PHF21B: variants seen among roughly 807,000 people sequenced by gnomAD.
PHF21B encodes PHD finger protein 21B.
A neutral mutation model predicts 62.2 loss-of-function variants in PHF21B; 22 were observed. The observed-to-expected ratio is 0.35, with a 90% CI of 0.25 to 0.51. The LOEUF (loss-of-function observed/expected upper bound fraction) is 0.51. Among genes scored for constraint, PHF21B ranks in the 20% least tolerant of loss-of-function variants. The pLI is 0.97. For synonymous variants in PHF21B, 341 were observed against 314.7 expected (o/e 1.08, Z -0.88); for missense variants, 701 against 707.9 (o/e 0.99, Z 0.11).
At chr22:44,893,272 A>G (rs1043008745) in intron 7 of PHF21B, among the ~76,000 whole-genome samples, 185 bp downstream of exon 7, 3 of 152,124 alleles carry the variant, frequency 2.0e-5, no homozygotes, top group African/African-American at 7.2e-5. Context: ...CTTCCTATCA[A>G]TTGACTGTCA....
intron 2 of PHF21B, chr22:45,003,558 C>T (rs73429731): frequency 6.6e-6 from 1 of 152,328 alleles, no homozygotes; most frequent in East Asian, 1.9e-4. Flanking sequence ...GCAGGGCCAT[C>T]CCTGTGGCTC....
At chr22:44,907,325 G>A (rs1486339608) in intron 5 of PHF21B, among the ~76,000 whole-genome samples, 2 of 152,252 alleles carry the variant, frequency 1.3e-5, no homozygotes, top group African/African-American at 2.4e-5. Flanking sequence ...GGCCCGGCTG[G>A]CTCAAGCTGA....
chr22:45,004,061 T>C (rs2073269158), intron 2 of PHF21B, among the ~76,000 whole-genome samples: 1 of 151,616 alleles, frequency 6.6e-6, no homozygotes, highest in Admixed American at 6.6e-5. Flanking sequence ...AGTAGATTAG[T>C]GGTTGCTTAA....
intron 2 of PHF21B, among the ~76,000 whole-genome samples, chr22:44,969,927 C>T (rs553030708): frequency 1.3e-5 from 2 of 152,354 alleles, no homozygotes; most frequent in South Asian, 2.1e-4. Flanking sequence ...AACACTGTCT[C>T]GTTTTTCCAT....
At chr22:44,918,911 A>C (rs1379357880) in intron 3 of PHF21B, among the ~76,000 whole-genome samples, 1 of 152,128 alleles carries the variant, frequency 6.6e-6, no homozygotes, top group African/African-American at 2.4e-5. Context: ...CACCGACAGG[A>C]GAAGTCCAAC....
chr22:44,992,008 G>A (rs903703908), intron 2 of PHF21B, among the ~76,000 whole-genome samples: 3 of 152,228 alleles, frequency 2.0e-5, no homozygotes, highest in Admixed American at 6.5e-5. Context: ...CGGACGTTGG[G>A]GGAGCGCACT....
At chr22:44,936,709 C>A (rs949148183) in intron 2 of PHF21B, among the ~76,000 whole-genome samples, 1 of 151,970 alleles carries the variant, frequency 6.6e-6, no homozygotes, top group Admixed American at 6.6e-5. Flanking sequence ...TGATTTTCAC[C>A]CCCCCAGGTT....
At chr22:44,917,497 G>A (rs1288966928) in intron 3 of PHF21B, among the ~76,000 whole-genome samples, 1 of 152,098 alleles carries the variant, frequency 6.6e-6, no homozygotes, top group Non-Finnish European at 1.5e-5. Context: ...ACCAACCCTG[G>A]GAGGTCCACG....
At chr22:44,909,447 A>G (rs904928691) in intron 5 of PHF21B, among the ~76,000 whole-genome samples, 1 of 152,192 alleles carries the variant, frequency 6.6e-6, no homozygotes, top group African/African-American at 2.4e-5. Context: ...TCTTGAGACG[A>G]TTAGGCCCAG....
intron 2 of PHF21B, among the ~76,000 whole-genome samples, chr22:44,997,408 G>T (rs951410398): frequency 7.9e-5 from 12 of 152,152 alleles, no homozygotes; most frequent in African/African-American, 2.9e-4. Flanking sequence ...GGACCTTCTT[G>T]CAATGGCTGC....
At position 44,982,612 on chromosome 22, in the gene PHF21B, C is replaced by T. The variant is rs147058042; in HGVS notation, c.120+25933G>A. Among the ~76,000 whole-genome samples, 247 of 152,318 alleles carry T rather than the reference C, an allele frequency of 1.6e-3. 1 individual carries two copies. The highest frequency in any genetic ancestry group is 5.7e-3 in the African/African-American group (235 of 41,566). On this transcript the variant is annotated intron_variant, in intron 2 of 12. Transcript: ENST00000313237. The stretch of plus-strand genomic sequence containing the variant: ...CCACTGCTTCTGCCCAAGCAAGAGA[C>T]GCACATAACCAAGAAGCCAGAAGCT...
chr22:44,970,918 T>G (rs1180929714), intron 2 of PHF21B: 1 of 152,198 alleles, frequency 6.6e-6, no homozygotes, highest in Non-Finnish European at 1.5e-5. Context: ...TATTTCTTCA[T>G]CTGTAAAATG....
intron 2 of PHF21B, among the ~76,000 whole-genome samples, chr22:44,976,241 T>C (rs905094614): frequency 3.3e-5 from 5 of 152,238 alleles, no homozygotes; most frequent in African/African-American, 1.2e-4. Flanking sequence ...TTTTGATGCA[T>C]GTACATATTG....
chr22:44,929,089 G>C (rs2071690469), intron 2 of PHF21B, among the ~76,000 whole-genome samples: 1 of 152,370 alleles, frequency 6.6e-6, no homozygotes, highest in African/African-American at 2.4e-5. Flanking sequence ...ATTGCTTCTC[G>C]AGTTGCAATT....
intron 2 of PHF21B, among the ~76,000 whole-genome samples, chr22:44,987,591 A>G (rs1051305864): frequency 3.3e-5 from 5 of 152,150 alleles, no homozygotes; most frequent in Admixed American, 2.0e-4. Context: ...ACAGGGTTAG[A>G]GCTCAGAGGA....
intron 2 of PHF21B, among the ~76,000 whole-genome samples, chr22:44,963,655 G>A (rs528925709): frequency 1.1e-4 from 16 of 152,320 alleles, no homozygotes; most frequent in South Asian, 4.1e-4. Flanking sequence ...CAGAGAACCC[G>A]AGGCCTTCCC....
chr22:44,965,650 G>T (rs2072511152), intron 2 of PHF21B, among the ~76,000 whole-genome samples: 1 of 152,138 alleles, frequency 6.6e-6, no homozygotes. Context: ...GGCTGTCTGG[G>T]CCGTCTGTCT....
intron 2 of PHF21B, among the ~76,000 whole-genome samples, chr22:44,966,469 G>A (rs942790459): frequency 2.0e-5 from 3 of 152,194 alleles, no homozygotes; most frequent in Admixed American, 6.5e-5. Context: ...CCACTGCAGC[G>A]TCCCTGTGAA....
At chr22:44,987,828 A>T (rs192414463) in intron 2 of PHF21B, among the ~76,000 whole-genome samples, 42 of 135,868 alleles carry the variant, frequency 3.1e-4, no homozygotes, top group Admixed American at 2.6e-3. Context: ...CTCACCCTTC[A>T]CCCCTCATTG....
Sources: gnomAD v4.1 joint callset for allele counts (sites outside exome capture counted in the v4.1 genomes callset) on GRCh38, gnomAD v4.1.1 for gene constraint, MANE v1.5 for transcripts, NCBI Gene and HGNC (gene_info 2026-07-23, HGNC 2026-07-21) for gene names.